The following ADAM7 variants were observed in gnomAD, a reference collection of about 807,000 sequenced individuals.
ADAM7 encodes disintegrin and metalloproteinase domain-containing protein 7.
A neutral mutation model predicts 102.9 loss-of-function variants in ADAM7; 97 were observed. The observed-to-expected ratio is 0.94, with a 90% CI of 0.80 to 1.12. The LOEUF (loss-of-function observed/expected upper bound fraction) is 1.12, where lower values mean the gene tolerates loss of function less well. ADAM7 is among the 50% of genes most tolerant of loss of function. ADAM7 has a pLI of 0.00. For synonymous variants in ADAM7, 334 were observed against 304.4 expected, an observed-to-expected ratio of 1.10 and a Z score of -1.01; for missense variants, 991 against 908.7, an observed-to-expected ratio of 1.09 and a Z score of -1.16.
chr8:24,490,589 C>A, intron 12 of ADAM7: 1 of 512,884 alleles, frequency 1.9e-6, no homozygotes, highest in South Asian at 2.7e-5. Context: ...ATCCATTACC[C>A]GTAATGTACC....
intron 17 of ADAM7, 127 bp from the exon 18 acceptor site, chr8:24,500,051 G>T (rs181327894): frequency 3.2e-6 from 2 of 616,190 alleles, no homozygotes; most frequent in African/African-American, 3.7e-5. Flanking sequence ...TTTAATAAAC[G>T]AATAAAAAGT....
intron 8 of ADAM7, among the ~76,000 whole-genome samples, chr8:24,481,253 G>C (rs1032468740): frequency 1.3e-5 from 2 of 152,134 alleles, no homozygotes; most frequent in Non-Finnish European, 2.9e-5. Context: ...ACATGGAATT[G>C]AGTATATTCA....
chr8:24,481,630 C>A (rs959570376), intron 8 of ADAM7, among the ~76,000 whole-genome samples: 1 of 152,142 alleles, frequency 6.6e-6, no homozygotes, highest in Non-Finnish European at 1.5e-5. Flanking sequence ...CTTAGAGCAA[C>A]CCCTAATGAC....
rs904396730 is a variant in ADAM7 at position 24,472,322 on chromosome 8, A to G, written c.633+3502A>G. On this transcript the variant is annotated intron_variant, in intron 7 of 21. Coordinates refer to ENST00000175238, the MANE Select transcript of ADAM7 (RefSeq NM_003817.4). ...ATATGTATTTTTTTCATGTACAAAT[A>G]ACATATTTGAAAAAATTAAGTGGGT... is the stretch of plus-strand genomic sequence containing the variant. Among the ~76,000 whole-genome samples the G allele has an allele frequency of 2.6e-5, 4 of 152,156 alleles. No individual in the cohort carries two copies. The East Asian group carries it at 5.8e-4, about 22-fold the overall frequency.
chr8:24,475,089 G>A (rs1819725698), intron 7 of ADAM7, among the ~76,000 whole-genome samples: 1 of 152,144 alleles, frequency 6.6e-6, no homozygotes, highest in Non-Finnish European at 1.5e-5. Context: ...CAGCTAGCAA[G>A]TTGAAAAAGA....
intron 20 of ADAM7, among the ~76,000 whole-genome samples, chr8:24,503,639 A>G (rs56169504): frequency 0.14 from 21,051 of 152,160 alleles, 1,677 homozygotes; most frequent in Non-Finnish European, 0.18. Context: ...ATGTCCATCA[A>G]TGATAGACTG....
intron 15 of ADAM7, 41 bp downstream of exon 15, chr8:24,492,638 G>A: frequency 6.8e-7 from 1 of 1,468,270 alleles, no homozygotes; most frequent in African/African-American, 1.4e-5. Flanking sequence ...CCTTCTTACA[G>A]CACTTTGTCA....
intron 12 of ADAM7, among the ~76,000 whole-genome samples, chr8:24,490,038 C>T (rs560943070): frequency 1.3e-5 from 2 of 152,250 alleles, no homozygotes; most frequent in South Asian, 4.1e-4. Context: ...TACCTAGCTT[C>T]AAGGTTACAC....
intron 3 of ADAM7, among the ~76,000 whole-genome samples, chr8:24,452,237 G>A (rs1047199842): frequency 2.8e-4 from 42 of 151,004 alleles, no homozygotes; most frequent in African/African-American, 9.9e-4. Flanking sequence ...TCTGTCTAAT[G>A]TTGACAGTGG....
intron 7 of ADAM7, among the ~76,000 whole-genome samples, chr8:24,475,473 T>G (rs1344526779): frequency 6.6e-6 from 1 of 152,084 alleles, no homozygotes; most frequent in East Asian, 1.9e-4. Flanking sequence ...GTGGAGAAGA[T>G]GACCAGAAAG....
chr8:24,485,234 C>T lies in ADAM7; in HGVS notation c.876-43C>T, dbSNP rs757361568. On this transcript the variant is annotated intron_variant, in intron 9 of 21. Transcript: ENST00000175238. Reference sequence around the variant, plus strand: ...CAATTTGATCTTTGTGTTAATTAAACTACTAACTCAGATTGAAGACTATTT... The same window carrying T: ...CAATTTGATCTTTGTGTTAATTAAATTACTAACTCAGATTGAAGACTATTT... 9 of 1,544,116 alleles carry T rather than the reference C, an allele frequency of 5.8e-6. No homozygotes were observed. In the African/African-American group the frequency reaches 1.1e-4, roughly 19 times the overall value.
At chr8:24,470,028 C>T (rs972823965) in intron 7 of ADAM7, among the ~76,000 whole-genome samples, 1 of 152,026 alleles carries the variant, frequency 6.6e-6, no homozygotes, top group African/African-American at 2.4e-5. Flanking sequence ...AAATGAGAGA[C>T]AATTCTTGAG....
chr8:24,504,063 T>TAAAATAAAATA lies in ADAM7; in HGVS notation c.2208+2490_2208+2491insATAAAATAAAA, dbSNP rs368461387. ...TAAAATAAAATAAAATAAAATAAAA[T>TAAAATAAAATA]AAATAAAATAAAAAAACTGAGTGGC... On this transcript the variant is annotated intron_variant, in intron 20 of 21. Coordinates refer to ENST00000175238, the MANE Select transcript of ADAM7 (RefSeq NM_003817.4). Among the ~76,000 whole-genome samples, 775 of 118,400 alleles carry TAAAATAAAATA rather than the reference T, an allele frequency of 6.5e-3. 9 individuals carry two copies. Among genetic ancestry groups the TAAAATAAAATA allele is most frequent in the African/African-American group, 0.02 (704 of 34,476 alleles). 77.7% of individuals were successfully genotyped at this position (118,400 alleles called of 152,430 possible). A position where few individuals can be genotyped will look rare whatever the true frequency, so the allele number is the denominator to read the frequency against.
chr8:24,453,919 C>T (rs528552897), intron 3 of ADAM7, among the ~76,000 whole-genome samples: 34 of 152,348 alleles, frequency 2.2e-4, no homozygotes, highest in Admixed American at 1.8e-3. Context: ...AGGTCCACTC[C>T]AGACCTGTTT....
At chr8:24,499,347 C>G (rs753657681) in intron 17 of ADAM7, 31 bp downstream of exon 17, 3 of 1,515,880 alleles carry the variant, frequency 2.0e-6, no homozygotes, top group Non-Finnish European at 2.7e-6. Context: ...AAATTAATGT[C>G]TTATCAGCCA....
intron 3 of ADAM7, among the ~76,000 whole-genome samples, chr8:24,457,263 G>A (rs1480619720): frequency 6.6e-6 from 1 of 151,850 alleles, no homozygotes; most frequent in East Asian, 1.9e-4. Flanking sequence ...TTATTGGATT[G>A]TTTGTCCTGT....
At chr8:24,441,278 G>A in intron 1 of ADAM7, 118 bp downstream of exon 1, 20 of 975,210 alleles carry the variant, frequency 2.1e-5, no homozygotes, top group Non-Finnish European at 3.2e-5. Context: ...TTTTCTGAGA[G>A]CTTCGACTAG....
chr8:24,464,076 C>T, intron 4 of ADAM7, 116 bp downstream of exon 4: 1 of 852,440 alleles, frequency 1.2e-6, no homozygotes, highest in South Asian at 1.7e-5. Flanking sequence ...CAGAAATAAG[C>T]TCTGAATTGA....
chr8:24,478,483 A>C (rs1198078812), intron 8 of ADAM7, among the ~76,000 whole-genome samples: 1 of 152,176 alleles, frequency 6.6e-6, no homozygotes, highest in African/African-American at 2.4e-5. Context: ...GAAAAGCTGT[A>C]AGCTCCCTTT....
Sources: gnomAD v4.1 joint callset for allele counts (sites outside exome capture counted in the v4.1 genomes callset) on GRCh38, gnomAD v4.1.1 for gene constraint, MANE v1.5 for transcripts, NCBI Gene and HGNC (gene_info 2026-07-23, HGNC 2026-07-21) for gene names.